NEGR1: variants seen among roughly 807,000 people sequenced by gnomAD.
NEGR1 encodes neuronal growth regulator 1.
NEGR1 carries 10 observed loss-of-function variants against 40.9 expected under a neutral mutation model. That is an observed-to-expected ratio of 0.24 (90% CI 0.15 to 0.42). NEGR1 has a LOEUF of 0.42. Among genes scored for constraint, NEGR1 ranks in the 10% least tolerant of loss-of-function variants. NEGR1 has a pLI of 1.00. For missense variants in NEGR1, 352 were observed against 438.9 expected (o/e 0.80, Z 1.77); for synonymous variants, 185 against 166.8 (o/e 1.11, Z -0.84).
chr1:72,246,596 T>C (rs559400198), intron 1 of NEGR1, among the ~76,000 whole-genome samples: 11 of 152,354 alleles, frequency 7.2e-5, no homozygotes, highest in Admixed American at 2.6e-4. Context: ...TATTTGCCAT[T>C]GCCTTTTTTA....
intron 1 of NEGR1, among the ~76,000 whole-genome samples, chr1:71,962,837 A>G (rs572766803): frequency 7.9e-5 from 12 of 151,828 alleles, no homozygotes; most frequent in East Asian, 1.9e-4. Context: ...GATGAGTCAC[A>G]TAAGAGACAG....
rs1648545675 is a variant in NEGR1, at chr1:72,092,712, A to G, written c.177-157401T>C. ...TTTGCCCAGGCTGGAGTGCAGTAGT[A>G]TATCTTCGTTCACTGCAGCCTCGAC... On this transcript the variant is annotated intron_variant, in intron 1 of 6. Coordinates refer to ENST00000357731, the MANE Select transcript of NEGR1 (RefSeq NM_173808.3). 2.0e-5 allele frequency among the ~76,000 whole-genome samples: 3 copies of G among 151,838 alleles called. No homozygotes were observed. In the South Asian group the frequency reaches 6.2e-4, roughly 32 times the overall value.
intron 2 of NEGR1, among the ~76,000 whole-genome samples, chr1:71,921,702 GAATATA>G (rs1292975592): frequency 2.1e-4 from 15 of 70,460 alleles, no homozygotes; most frequent in African/African-American, 9.9e-4. Context: ...TACAGTACAA[GAATATA>G]TATATATATA....
Position 71,760,876 on chromosome 1 carries a change from G to A in NEGR1, c.535+15296C>T, listed in dbSNP as rs187679440. Among the ~76,000 whole-genome samples, 5 of 152,252 alleles carry A rather than the reference G, an allele frequency of 3.3e-5. No homozygotes were observed. In the East Asian group the frequency reaches 9.7e-4, roughly 29 times the overall value. ...TCTAAGAAGTCTTCCTTTGAATAAA[G>A]AGGAAAGGCAATGGAATTGAGAGCA... is the stretch of plus-strand genomic sequence containing the variant. On this transcript the variant is annotated intron_variant, in intron 3 of 6. Coordinates refer to ENST00000357731, the MANE Select transcript of NEGR1 (RefSeq NM_173808.3).
chr1:71,716,268 T>C (rs535720657), intron 3 of NEGR1, among the ~76,000 whole-genome samples: 365 of 152,232 alleles, frequency 2.4e-3, no homozygotes, highest in African/African-American at 8.5e-3. Flanking sequence ...CCTTGCTACA[T>C]GGAGATTATT....
intron 6 of NEGR1, among the ~76,000 whole-genome samples, chr1:71,434,895 T>C (rs1243842820): frequency 6.6e-6 from 1 of 152,134 alleles, no homozygotes; most frequent in Non-Finnish European, 1.5e-5. Context: ...ATCAAGACCA[T>C]CCTGGCTAAA....
chr1:71,546,863 C>A (rs1647915228), intron 6 of NEGR1, among the ~76,000 whole-genome samples: 1 of 151,568 alleles, frequency 6.6e-6, no homozygotes, highest in Non-Finnish European at 1.5e-5. Flanking sequence ...TAGGTTAAGA[C>A]CTGCATTATC....
At chr1:71,733,781 A>C (rs1654960852) in intron 3 of NEGR1, among the ~76,000 whole-genome samples, 1 of 152,152 alleles carries the variant, frequency 6.6e-6, no homozygotes, top group South Asian at 2.1e-4. Context: ...CCAAAATAAA[A>C]TGGTGCAGAA....
intron 1 of NEGR1, among the ~76,000 whole-genome samples, chr1:71,988,803 G>T (rs374569330): frequency 6.6e-6 from 1 of 150,944 alleles, no homozygotes; most frequent in African/African-American, 2.4e-5. Context: ...GTGACATATG[G>T]TTTAATAAAA....
intron 4 of NEGR1, among the ~76,000 whole-genome samples, chr1:71,667,711 T>C (rs1056180190): frequency 1.2e-4 from 19 of 152,358 alleles, no homozygotes; most frequent in South Asian, 4.1e-4. Context: ...GAATTTAGTA[T>C]AGCAAAATTT....
rs138514524 is a variant in NEGR1, at chr1:71,759,697, C to T, written c.535+16475G>A. ...CCATCTCGGCTCACTGCAACCTCCT[C>T]CTTCTGGGTTCATGCGATCCTTCTG... On this transcript the variant is annotated intron_variant, in intron 3 of 6. Coordinates refer to ENST00000357731, the MANE Select transcript of NEGR1 (RefSeq NM_173808.3). 5.4e-3 allele frequency among the ~76,000 whole-genome samples: 796 copies of T among 147,322 alleles called. 8 individuals carry two copies. Among genetic ancestry groups the T allele is most frequent in the African/African-American group, 0.018 (727 of 39,890 alleles).
At chr1:71,448,224 T>G (rs59646489) in intron 6 of NEGR1, among the ~76,000 whole-genome samples, 5,223 of 107,218 alleles carry the variant, frequency 0.049, 319 homozygotes, top group African/African-American at 0.16. Flanking sequence ...TGAAGTACCT[T>G]CTCTGAGAGA....
chr1:71,898,980 GCATATATATATATATATA>G (rs1661063086), intron 2 of NEGR1, among the ~76,000 whole-genome samples: 1 of 10,882 alleles, frequency 9.2e-5, no homozygotes, highest in African/African-American at 4.7e-4. Context: ...TATATATATA[GCATATATATATATATATA>G]TATATATATA....
intron 6 of NEGR1, among the ~76,000 whole-genome samples, chr1:71,457,479 T>C (rs1646681350): frequency 6.6e-6 from 1 of 152,196 alleles, no homozygotes; most frequent in South Asian, 2.1e-4. Flanking sequence ...TTTGTTATCC[T>C]TGTATGATTC....
rs1167271365 is a variant in NEGR1 at position 71,397,009 on chromosome 1, C to G, written c.*10437G>C. 6.5e-6 allele frequency: 1 copy of G among 153,956 alleles called. No individual in the cohort carries two copies. The highest frequency in any genetic ancestry group is 1.4e-5 in the Non-Finnish European group (1 of 69,564). 9.5% of individuals were successfully genotyped at this position (153,956 alleles called of 1,614,324 possible). On this transcript the variant is annotated 3_prime_UTR_variant, in exon 7 of 7. Coordinates refer to ENST00000357731, the MANE Select transcript of NEGR1 (RefSeq NM_173808.3). ...ATAGTTTGGAGGGCTCAGAAGAAGA[C>G]AGGAAAATGTGGGAAAGTTTGGAAC...
At position 72,253,823 on chromosome 1, in the gene NEGR1, T is replaced by G. The variant is rs142892472; in HGVS notation, c.176+28496A>C. On this transcript the variant is annotated intron_variant, in intron 1 of 6. Transcript: ENST00000357731. ...GCATCAATGATATTGAAATGGAGATTTCAAGGAACTGAAATTGGATCTTGG... is the reference window on the plus strand; with the variant it reads ...GCATCAATGATATTGAAATGGAGATGTCAAGGAACTGAAATTGGATCTTGG... 3.8e-4 allele frequency among the ~76,000 whole-genome samples: 58 copies of G among 152,272 alleles called. No individual in the cohort carries two copies. In the East Asian group the frequency reaches 9.6e-3, roughly 25 times the overall value.
chr1:71,491,079 G>C (rs922823903), intron 6 of NEGR1, among the ~76,000 whole-genome samples: 1 of 151,882 alleles, frequency 6.6e-6, no homozygotes, highest in African/African-American at 2.4e-5. Context: ...CTTGGGTTCT[G>C]AGTCTATAGA....
At chr1:71,569,566 C>T (rs923229859) in intron 6 of NEGR1, among the ~76,000 whole-genome samples, 3 of 152,082 alleles carry the variant, frequency 2.0e-5, no homozygotes, top group African/African-American at 2.4e-5. Flanking sequence ...TCTAGACTAC[C>T]GTTTGGGCGT....
chr1:72,251,558 C>T (rs1655089711), intron 1 of NEGR1, among the ~76,000 whole-genome samples: 2 of 152,064 alleles, frequency 1.3e-5, no homozygotes, highest in Admixed American at 1.3e-4. Flanking sequence ...TATAACCTAC[C>T]CTCATCCTTC....
Sources: allele counts gnomAD v4.1 joint callset (sites outside exome capture counted in the v4.1 genomes callset), GRCh38; gene constraint gnomAD v4.1.1; transcripts MANE v1.5; gene names NCBI Gene and HGNC (gene_info 2026-07-23, HGNC 2026-07-21).